Variants in SNX20 observed in about 807,000 individuals in gnomAD.
SNX20 encodes sorting nexin 20.
SNX20 carries 21 observed loss-of-function variants against 24.5 expected under a neutral mutation model. That is an observed-to-expected ratio of 0.86 (90% CI 0.61 to 1.23). The LOEUF (loss-of-function observed/expected upper bound fraction) is 1.23. Among genes scored for constraint, SNX20 ranks in the 50% most tolerant of loss-of-function variants. The pLI is 0.00. For missense variants in SNX20, 433 were observed against 430.8 expected, an observed-to-expected ratio of 1.00 and a Z score of -0.04; for synonymous variants, 206 against 192.8, an observed-to-expected ratio of 1.07 and a Z score of -0.57.
downstream of SNX20, chr16:50,669,281 C>A: frequency 1.6e-6 from 1 of 614,366 alleles, no homozygotes; most frequent in Admixed American, 2.5e-5. Flanking sequence ...GCAGGTTGTA[C>A]AGAAGCATGG....
chr16:50,677,458 G>A lies in SNX20; in HGVS notation c.69C>T (p.Thr23=). The change falls in exon 2 of 4, where the codon ACC becomes ACT. Residue 23 remains threonine (T), a synonymous_variant. Coordinates refer to ENST00000330943, the MANE Select transcript of SNX20 (RefSeq NM_182854.4). ...GGCCAGTGGCTGGTGCTTCCTGCTG[G>A]GTCCTTGCCGTGCACTGGGTTATGG... The part of the protein sequence containing the change: ...MGPITQCTAR[T]QQEAPATGPD... The A allele has an allele frequency of 6.2e-7, 1 of 1,609,970 alleles. No individual in the cohort carries two copies. The highest frequency in any genetic ancestry group is 8.5e-7 in the Non-Finnish European group (1 of 1,178,056).
downstream of SNX20, chr16:50,668,041 C>G (rs1962955985): frequency 6.4e-7 from 1 of 1,551,570 alleles, no homozygotes. Context: ...GGAGCCGGAG[C>G]CTACGGGTTG....
intron 2 of SNX20, among the ~76,000 whole-genome samples, chr16:50,676,728 T>G (rs529193628): frequency 2.6e-5 from 4 of 152,366 alleles, no homozygotes; most frequent in Middle Eastern, 3.4e-3. Context: ...GTGTAACTGT[T>G]TCTCACTGAT....
At chr16:50,668,040 G>A (rs749003451), downstream of SNX20, 11 of 1,551,734 alleles carry the variant, frequency 7.1e-6, no homozygotes, top group South Asian at 1.3e-4. Context: ...AGGAGCCGGA[G>A]CCTACGGGTT....
At chr16:50,669,901 C>A (rs1429816435), downstream of SNX20, 1 of 152,234 alleles carries the variant, frequency 6.6e-6, no homozygotes, top group Non-Finnish European at 1.5e-5. Context: ...GGAGCCCTGA[C>A]TTTTACCGCA....
downstream of SNX20, chr16:50,668,927 G>A (rs1259900948): frequency 6.8e-7 from 1 of 1,475,438 alleles, no homozygotes; most frequent in Non-Finnish European, 9.0e-7. Context: ...AGCTCAGGGA[G>A]GCTAGCGGCC....
chr16:50,671,542 A>AT (rs1359627581), downstream of SNX20: 1 of 152,028 alleles, frequency 6.6e-6, no homozygotes, highest in Non-Finnish European at 1.5e-5. Flanking sequence ...CATGTTGGGT[A>AT]TTTTTTCTTT....
rs754712714 is a variant in SNX20, at chr16:50,673,372, A to C, written c.*34T>G. 2.5e-5 allele frequency: 36 copies of C among 1,440,286 alleles called. No individual in the cohort carries two copies. The highest frequency in any genetic ancestry group is 3.0e-5 in the Non-Finnish European group (33 of 1,091,754). 89.2% of individuals were successfully genotyped at this position (1,440,286 alleles called of 1,614,324 possible). On this transcript the variant is annotated 3_prime_UTR_variant, in exon 4 of 4. Transcript: ENST00000330943. The surrounding 1 kb of genome is among the most constrained non-coding windows in gnomAD (Gnocchi z 4.1). ...CCCACTGTGAGCCATGGTGACCCCA[A>C]ATCTCCAGCGTCCCTGCGGGGTCCC...
rs1963169206 is a variant in SNX20 at position 50,675,845 on chromosome 16, G to A, written c.207C>T (p.Cys69=). Residue 69 remains cysteine, a synonymous_variant, in exon 3 of 4, where the codon TGC becomes TGT. Coordinates refer to ENST00000330943, the MANE Select transcript of SNX20 (RefSeq NM_182854.4). The stretch of plus-strand genomic sequence containing the variant: ...AGAGCAGTTTGACGTGCTTCCAGCG[G>A]CATTTCTGGTTCTGCCAGTACTGCT... ...ELQQYWQNQK[C]RWKHVKLLFE... is the part of the protein sequence containing the mutation. 6.2e-7 allele frequency: 1 copy of A among 1,613,572 alleles called. No individual in the cohort carries two copies. Among genetic ancestry groups the A allele is most frequent in the Middle Eastern group, 1.6e-4 (1 of 6,062 alleles).
At position 50,673,873 on chromosome 16, in the gene SNX20, G is replaced by C. The variant is rs772786803; in HGVS notation, c.484C>G (p.Gln162Glu). Residue 162 changes from glutamine (Q) to glutamate (E), a missense_variant, in exon 4 of 4, where the codon CAG becomes GAG. Coordinates refer to ENST00000330943, the MANE Select transcript of SNX20 (RefSeq NM_182854.4). The surrounding 1 kb of genome is among the most constrained non-coding windows in gnomAD (Gnocchi z 4.1). ...GCGTAGAGCAGGCCCAGGTACTCCT[G>C]CAGGGCGCGCCGACGCTCACAGATC... is the stretch of plus-strand genomic sequence containing the variant. Reference protein sequence around the residue: ...EMICERRRALQEYLGLLYAIR... With the variant: ...EMICERRRALEEYLGLLYAIR... The C allele has an allele frequency of 1.9e-6, 3 of 1,606,920 alleles. No homozygotes were observed. In the East Asian group the frequency reaches 6.7e-5, roughly 36 times the overall value.
chr16:50,668,376 C>T (rs1364405431), downstream of SNX20: 4 of 1,027,282 alleles, frequency 3.9e-6, no homozygotes, highest in South Asian at 4.3e-5. Flanking sequence ...AAAAGTCTAC[C>T]AGCGGCCTCA....
exon 4 of SNX20, chr16:50,666,424 G>C (rs1051449764): frequency 6.6e-6 from 1 of 152,366 alleles, no homozygotes; most frequent in Non-Finnish European, 1.5e-5. Flanking sequence ...GTTGCCATAA[G>C]AGTGCACACA....
intron 1 of SNX20, among the ~76,000 whole-genome samples, chr16:50,680,442 CACAG>C (rs1963273159): frequency 1.3e-5 from 2 of 152,150 alleles, no homozygotes; most frequent in Admixed American, 6.5e-5. Context: ...GCCGTGTGTG[CACAG>C]ACAGTCATTC....
At chr16:50,676,198 A>G (rs1005230030) in intron 2 of SNX20, among the ~76,000 whole-genome samples, 3 of 151,782 alleles carry the variant, frequency 2.0e-5, no homozygotes, top group Non-Finnish European at 2.9e-5. Context: ...GGCACTTTGC[A>G]TCGTCCACTT....
chr16:50,677,609 G>A, intron 1 of SNX20, 74 bp from the exon 2 acceptor site: 2 of 1,364,606 alleles, frequency 1.5e-6, no homozygotes, highest in Non-Finnish European at 1.9e-6. Context: ...GTGCCTAGGA[G>A]CTGTGTCATG....
At chr16:50,679,680 GT>G (rs1185206435) in intron 1 of SNX20, among the ~76,000 whole-genome samples, 1 of 152,202 alleles carries the variant, frequency 6.6e-6, no homozygotes, top group Non-Finnish European at 1.5e-5. Context: ...CTAGGCTTCA[GT>G]TTCCCTACCT....
chr16:50,668,111 A>C (rs1418363425), downstream of SNX20: 5 of 1,551,380 alleles, frequency 3.2e-6, no homozygotes, highest in Admixed American at 5.9e-5. Context: ...GCTGGAGAGC[A>C]CACAGGGCTG....
chr16:50,680,380 C>T (rs762607063), intron 1 of SNX20, among the ~76,000 whole-genome samples: 1 of 152,114 alleles, frequency 6.6e-6, no homozygotes. Flanking sequence ...GGCCTGGGGG[C>T]CTGTAGTTGG....
intron 2 of SNX20, among the ~76,000 whole-genome samples, chr16:50,676,648 G>A (rs997867337): frequency 3.3e-5 from 5 of 152,198 alleles, no homozygotes; most frequent in African/African-American, 1.2e-4. Context: ...ATGCCCCTTG[G>A]CATTAGAGTA....
Sources: gnomAD v4.1 joint callset for allele counts (sites outside exome capture counted in the v4.1 genomes callset) on GRCh38, gnomAD v4.1.1 for gene constraint, Gnocchi (gnomAD v3.1) non-coding constraint, MANE v1.5 for transcripts, NCBI Gene and HGNC (gene_info 2026-07-23, HGNC 2026-07-21) for gene names.